Variants in SESN1 observed in about 807,000 individuals in gnomAD.
The protein encoded by SESN1 is sestrin 1.
In SESN1, 30 loss-of-function variants were observed where a neutral mutation model predicts 59.3. The ratio of observed to expected loss-of-function variants is 0.51; its 90% CI spans 0.38 to 0.69. The LOEUF is 0.69. Among genes scored for constraint, SESN1 ranks in the 30% least tolerant of loss-of-function variants. The probability of loss-of-function intolerance (pLI) is 0.00; values close to 1 mark genes in which losing one functional copy is unlikely to be tolerated. For missense variants in SESN1, 566 were observed against 673.0 expected, an observed-to-expected ratio of 0.84 and a Z score of 1.76; for synonymous variants, 197 against 219.9, an observed-to-expected ratio of 0.90 and a Z score of 0.92.
At chr6:109,005,581 G>T (rs1779715852) in intron 1 of SESN1, among the ~76,000 whole-genome samples, 2 of 152,138 alleles carry the variant, frequency 1.3e-5, no homozygotes, top group Admixed American at 1.3e-4. Context: ...ATTCCAAGAA[G>T]GTGGCTATGA....
intron 1 of SESN1, among the ~76,000 whole-genome samples, chr6:109,008,161 T>C (rs1048386608): frequency 1.3e-5 from 2 of 152,190 alleles, no homozygotes; most frequent in Non-Finnish European, 2.9e-5. Flanking sequence ...TACAAAGCTA[T>C]CTTTAGAAAT....
At chr6:109,001,025 G>C (rs890040905) in intron 3 of SESN1, among the ~76,000 whole-genome samples, 1 of 152,058 alleles carries the variant, frequency 6.6e-6, no homozygotes, top group African/African-American at 2.4e-5. Context: ...ATGTCAATGT[G>C]AACTATTTAT....
rs748633348 is a variant in SESN1 at position 108,992,881 on chromosome 6, G to A, written c.1139C>T (p.Pro380Leu). 2 of 1,610,890 alleles carry A rather than the reference G, an allele frequency of 1.2e-6. No individual in the cohort carries two copies. Among genetic ancestry groups the A allele is most frequent in the Non-Finnish European group, 8.5e-7 (1 of 1,178,122 alleles). The change falls in exon 7 of 10, where the codon CCA becomes CTA. Residue 380 changes from proline (P) to leucine (L), a missense_variant. Coordinates refer to ENST00000436639, the MANE Select transcript of SESN1 (RefSeq NM_014454.3). ...VFSSDDEEVT[P>L]ARAVSRHFED... ...AAAATGACGAGATACAGCTCTTGCT[G>A]GTGTAACTTCTTCATCATCTGGGAA...
At chr6:109,059,528 C>T (rs1362083928) in intron 1 of SESN1, 1 of 152,062 alleles carries the variant, frequency 6.6e-6, no homozygotes, top group Non-Finnish European at 1.5e-5. Flanking sequence ...GAACGCTTTA[C>T]AAATTTGCAT....
chr6:109,073,999 A>G (rs1388614809), intron 1 of SESN1, among the ~76,000 whole-genome samples: 2 of 152,248 alleles, frequency 1.3e-5, no homozygotes, highest in Non-Finnish European at 2.9e-5. Context: ...ATTTTGGTCA[A>G]CAATGGACCA....
Position 109,000,540 on chromosome 6 carries a change from T to G in SESN1, c.680A>C (p.Asn227Thr). ...PQKLQNLGEL[N>T]KVLAHRPWLI... is the part of the protein sequence containing the mutation. ...CCAAGGTCTATGGGCTAACACTTTG[T>G]TAAGTTCTCCTAAATTCTGTAGTTT... Residue 227 changes from asparagine (N) to threonine (T), a missense_variant, in exon 4 of 10, where the codon AAC becomes ACC. Transcript: ENST00000436639. The G allele has an allele frequency of 6.2e-7, 1 of 1,611,152 alleles. No homozygotes were observed. The highest frequency in any genetic ancestry group is 8.5e-7 in the Non-Finnish European group (1 of 1,178,414).
chr6:109,066,669 A>T (rs1163265458), intron 1 of SESN1, among the ~76,000 whole-genome samples: 1 of 152,232 alleles, frequency 6.6e-6, no homozygotes, highest in Non-Finnish European at 1.5e-5. Context: ...GCTCATGAAG[A>T]TAACTCAAAT....
At chr6:108,995,807 T>C (rs1399052473) in intron 5 of SESN1, among the ~76,000 whole-genome samples, 2 of 152,054 alleles carry the variant, frequency 1.3e-5, no homozygotes, top group African/African-American at 4.8e-5. Flanking sequence ...AAAGTCTTAA[T>C]CTCAAATCTC....
At chr6:109,046,008 C>G (rs1455232621) in intron 1 of SESN1, among the ~76,000 whole-genome samples, 1 of 152,184 alleles carries the variant, frequency 6.6e-6, no homozygotes, top group Non-Finnish European at 1.5e-5. Flanking sequence ...AATGCCTCAA[C>G]TTTCAATAAT....
At chr6:108,993,949 G>C (rs1779446646) in intron 6 of SESN1, among the ~76,000 whole-genome samples, 1 of 151,602 alleles carries the variant, frequency 6.6e-6, no homozygotes, top group Non-Finnish European at 1.5e-5. Flanking sequence ...AGAAGCGTGG[G>C]CAATATAGCA....
chr6:109,041,754 G>A (rs1242530755), intron 1 of SESN1, among the ~76,000 whole-genome samples: 2 of 151,956 alleles, frequency 1.3e-5, no homozygotes, highest in Non-Finnish European at 2.9e-5. Context: ...ATTATAGCAG[G>A]AGACTTCAAC....
At position 109,065,094 on chromosome 6, in the gene SESN1, CCTT is replaced by C. The variant is rs139750829; in HGVS notation, c.279+28698_279+28700del. On this transcript the variant is annotated intron_variant, in intron 1 of 9. Coordinates refer to ENST00000436639, the MANE Select transcript of SESN1 (RefSeq NM_014454.3). ...TTGCACTTATTTCCAATCCCTCTCTCCTTAAGTTCCCGAATTTAATAGCCCATT... is the reference window on the plus strand; with the variant it reads ...TTGCACTTATTTCCAATCCCTCTCTCAAGTTCCCGAATTTAATAGCCCATT... Among the ~76,000 whole-genome samples the C allele has an allele frequency of 9.3e-4, 141 of 152,222 alleles. 1 individual carries two copies. The highest frequency in any genetic ancestry group is 3.1e-3 in the African/African-American group (130 of 41,548).
At chr6:109,059,449 T>G (rs1257890255) in intron 1 of SESN1, 1 of 152,200 alleles carries the variant, frequency 6.6e-6, no homozygotes, top group Non-Finnish European at 1.5e-5. Flanking sequence ...GTCACTTCCA[T>G]AATGGCTATA....
chr6:109,088,739 T>A (rs184543401), intron 1 of SESN1, among the ~76,000 whole-genome samples: 29 of 152,358 alleles, frequency 1.9e-4, no homozygotes, highest in African/African-American at 7.0e-4. Flanking sequence ...TCATCAAGAC[T>A]ATAGTTCACC....
At chr6:109,016,281 T>G (rs139577506) in intron 1 of SESN1, among the ~76,000 whole-genome samples, 209 of 152,358 alleles carry the variant, frequency 1.4e-3, no homozygotes, top group African/African-American at 4.8e-3. Context: ...ACAGCTATCC[T>G]GCCTTCCCTA....
Position 108,988,776 on chromosome 6 carries a change from G to A in SESN1, c.1425-89C>T, listed in dbSNP as rs761095661. 75 of 1,041,182 alleles carry A rather than the reference G, an allele frequency of 7.2e-5. No individual in the cohort carries two copies. In the Middle Eastern group the frequency reaches 9.5e-4, roughly 13 times the overall value. The allele number at this position is 1,041,182 out of a possible 1,614,324, so 64.5% of individuals were successfully genotyped here. ...AGTATACACATCAATAGTTAATACT[G>A]TATTTTTTCTCTCTTTGTGTAGGCA... is the stretch of plus-strand genomic sequence containing the variant. On this transcript the variant is annotated intron_variant, in intron 8 of 9. Coordinates refer to ENST00000436639, the MANE Select transcript of SESN1 (RefSeq NM_014454.3).
intron 6 of SESN1, among the ~76,000 whole-genome samples, chr6:108,993,790 A>G (rs927280619): frequency 5.3e-5 from 8 of 152,020 alleles, no homozygotes; most frequent in African/African-American, 1.7e-4. Flanking sequence ...TGTTGCCCCA[A>G]CTAGTCTGGA....
intron 1 of SESN1, among the ~76,000 whole-genome samples, chr6:109,055,661 CAAAAA>C (rs577017689): frequency 1.2e-4 from 6 of 51,300 alleles, no homozygotes; most frequent in South Asian, 8.2e-4. Context: ...GACTCCACCT[CAAAAA>C]AAAAAAAAAA....
At chr6:109,004,315 AAAAT>A (rs1779686024) in intron 1 of SESN1, among the ~76,000 whole-genome samples, 1 of 152,350 alleles carries the variant, frequency 6.6e-6, no homozygotes, top group Admixed American at 6.5e-5. Flanking sequence ...TCACATGGGA[AAAAT>A]AAATATATAC....
Sources: gnomAD v4.1 joint callset for allele counts (sites outside exome capture counted in the v4.1 genomes callset) on GRCh38, gnomAD v4.1.1 for gene constraint, MANE v1.5 for transcripts, NCBI Gene and HGNC (gene_info 2026-07-23, HGNC 2026-07-21) for gene names.